The following RBMS3 variants were observed in gnomAD, a reference collection of about 807,000 sequenced individuals.
The protein encoded by RBMS3 is RNA binding motif single stranded interacting protein 3, also known as RNA-binding motif, single-stranded-interacting protein 3.
A neutral mutation model predicts 66.8 loss-of-function variants in RBMS3; 27 were observed. That is an observed-to-expected ratio of 0.40 (90% confidence interval 0.30 to 0.56). The LOEUF (loss-of-function observed/expected upper bound fraction) is 0.56. RBMS3 is among the 20% of genes least tolerant of loss of function. RBMS3 has a pLI of 0.40. For missense variants in RBMS3, 513 were observed against 549.5 expected (o/e 0.93, Z 0.66); for synonymous variants, 188 against 183.0 (o/e 1.03, Z -0.22).
At chr3:29,550,954 A>G (rs2046161346) in intron 3 of RBMS3, among the ~76,000 whole-genome samples, 1 of 152,232 alleles carries the variant, frequency 6.6e-6, no homozygotes, top group Non-Finnish European at 1.5e-5. Flanking sequence ...CAGATCATGG[A>G]GAAGTGGTGT....
At chr3:29,482,701 C>CT (rs755520785) in intron 2 of RBMS3, among the ~76,000 whole-genome samples, 1,400 of 77,380 alleles carry the variant, frequency 0.018, 86 homozygotes, top group Middle Eastern at 0.036. Flanking sequence ...TTCTTTCTTT[C>CT]TTTTTTTTTT....
intron 1 of RBMS3, among the ~76,000 whole-genome samples, chr3:29,373,990 G>T (rs1241007633): frequency 6.6e-6 from 1 of 152,206 alleles, no homozygotes; most frequent in Non-Finnish European, 1.5e-5. Flanking sequence ...TTAGACACAA[G>T]GCACTGGGGC....
At chr3:29,660,512 A>G (rs1181744530) in intron 4 of RBMS3, among the ~76,000 whole-genome samples, 1 of 152,264 alleles carries the variant, frequency 6.6e-6, no homozygotes, top group Non-Finnish European at 1.5e-5. Context: ...TGGAGAGCTT[A>G]ATTCGTTACT....
intron 1 of RBMS3, among the ~76,000 whole-genome samples, chr3:29,418,269 T>C (rs75201358): frequency 0.014 from 2,069 of 152,232 alleles, 23 homozygotes; most frequent in Middle Eastern, 0.061. Flanking sequence ...GTGCAGAATA[T>C]ACTTCTTTTT....
chr3:29,911,161 T>C (rs1324731519), intron 10 of RBMS3, among the ~76,000 whole-genome samples: 1 of 152,082 alleles, frequency 6.6e-6, no homozygotes, highest in Non-Finnish European at 1.5e-5. Context: ...AACTTGGTTT[T>C]GAAAACTAAA....
intron 1 of RBMS3, among the ~76,000 whole-genome samples, chr3:29,313,739 G>A (rs1379222430): frequency 1.3e-5 from 2 of 151,664 alleles, no homozygotes; most frequent in African/African-American, 4.8e-5. Flanking sequence ...GACAGCATTG[G>A]TCTCCAGAGC....
At chr3:29,656,178 T>C (rs1385101285) in intron 4 of RBMS3, among the ~76,000 whole-genome samples, 1 of 152,180 alleles carries the variant, frequency 6.6e-6, no homozygotes, top group African/African-American at 2.4e-5. Flanking sequence ...GTAGCCTAAG[T>C]ATACAGTAGT....
intron 2 of RBMS3, among the ~76,000 whole-genome samples, chr3:29,449,816 A>C (rs2041957537): frequency 6.6e-6 from 1 of 152,188 alleles, no homozygotes; most frequent in East Asian, 1.9e-4. Flanking sequence ...AATTTGGCCC[A>C]CACAGTTGTA....
At chr3:29,361,730 G>T (rs1470842066) in intron 1 of RBMS3, among the ~76,000 whole-genome samples, 3 of 152,056 alleles carry the variant, frequency 2.0e-5, no homozygotes, top group Non-Finnish European at 4.4e-5. Flanking sequence ...CATATTTCTT[G>T]GAGGCTTTGC....
intron 4 of RBMS3, among the ~76,000 whole-genome samples, chr3:29,684,423 T>C (rs1264952439): frequency 1.3e-5 from 2 of 152,184 alleles, no homozygotes; most frequent in Non-Finnish European, 2.9e-5. Context: ...TGTACCTATC[T>C]ATATGATAAG....
intron 1 of RBMS3, among the ~76,000 whole-genome samples, chr3:29,369,155 C>G (rs2038058727): frequency 6.6e-6 from 1 of 151,924 alleles, no homozygotes; most frequent in Non-Finnish European, 1.5e-5. Flanking sequence ...GCACCGGGGC[C>G]TACTTGAGAG....
intron 3 of RBMS3, among the ~76,000 whole-genome samples, chr3:29,561,746 T>C (rs1327897270): frequency 2.0e-5 from 3 of 152,146 alleles, no homozygotes; most frequent in African/African-American, 7.2e-5. Context: ...CCACCATGCC[T>C]GGCCCTTGAC....
intron 1 of RBMS3, among the ~76,000 whole-genome samples, chr3:29,295,326 TAC>T (rs1336242611): frequency 3.4e-4 from 48 of 141,776 alleles, no homozygotes; most frequent in Admixed American, 7.1e-4. Flanking sequence ...CATATATATA[TAC>T]ACACACATAT....
At chr3:29,293,199 T>A (rs1163962998) in intron 1 of RBMS3, among the ~76,000 whole-genome samples, 1 of 151,872 alleles carries the variant, frequency 6.6e-6, no homozygotes, top group East Asian at 1.9e-4. Context: ...AGTGTATTTT[T>A]GATTTTCTGT....
At chr3:29,782,918 A>G (rs1196198305) in intron 6 of RBMS3, among the ~76,000 whole-genome samples, 1 of 152,178 alleles carries the variant, frequency 6.6e-6, no homozygotes, top group Non-Finnish European at 1.5e-5. Context: ...GAATCAACCA[A>G]GTAGAAGAAA....
intron 4 of RBMS3, among the ~76,000 whole-genome samples, chr3:29,643,302 C>G (rs1037359720): frequency 2.6e-5 from 4 of 152,226 alleles, no homozygotes; most frequent in Non-Finnish European, 5.9e-5. Context: ...ATCACATTTC[C>G]TGTGCATTAG....
chr3:29,495,409 A>C (rs1164852749), intron 3 of RBMS3, among the ~76,000 whole-genome samples: 1 of 134,086 alleles, frequency 7.5e-6, no homozygotes, highest in South Asian at 2.3e-4. Flanking sequence ...GGAAATACAT[A>C]TTTCTTTCTT....
At chr3:29,916,200 C>T (rs9816504) in intron 10 of RBMS3, among the ~76,000 whole-genome samples, 11,624 of 151,978 alleles carry the variant, frequency 0.076, 764 homozygotes, top group African/African-American at 0.18. Context: ...TTCTACTTTT[C>T]CTCATATCCC....
intron 4 of RBMS3, among the ~76,000 whole-genome samples, chr3:29,674,338 T>G (rs1427549298): frequency 6.6e-6 from 1 of 152,136 alleles, no homozygotes; most frequent in Non-Finnish European, 1.5e-5. Context: ...CTTTGAAAAC[T>G]GGCACAAGAC....
Sources: gnomAD v4.1 joint callset for allele counts (sites outside exome capture counted in the v4.1 genomes callset) on GRCh38, gnomAD v4.1.1 for gene constraint, MANE v1.5 for transcripts, NCBI Gene and HGNC (gene_info 2026-07-23, HGNC 2026-07-21) for gene names.